CACNA1G: variants seen among roughly 807,000 people sequenced by gnomAD.
CACNA1G encodes voltage-dependent T-type calcium channel subunit alpha-1G.
In CACNA1G, 67 loss-of-function variants were observed where a neutral mutation model predicts 219.4. The ratio of observed to expected loss-of-function variants is 0.31; its 90% CI spans 0.25 to 0.37. The LOEUF (loss-of-function observed/expected upper bound fraction) is 0.37. Ranked by LOEUF, CACNA1G falls within the 10% of genes least tolerant of loss-of-function variation. The pLI, the probability that CACNA1G is intolerant of heterozygous loss-of-function variation, is 1.00. For synonymous variants in CACNA1G, 1,296 were observed against 1,345.3 expected, an observed-to-expected ratio of 0.96 and a Z score of 0.80; for missense variants, 2,380 against 3,231.4, an observed-to-expected ratio of 0.74 and a Z score of 6.39.
At chr17:50,622,177 C>T (rs2052310915) in intron 35 of CACNA1G, among the ~76,000 whole-genome samples, 1 of 138,994 alleles carries the variant, frequency 7.2e-6, no homozygotes, top group Non-Finnish European at 1.6e-5. Context: ...CCCCTCCTCC[C>T]CACCCCACCC....
Position 50,619,810 on chromosome 17 carries a change from G to A in CACNA1G, c.5909G>A (p.Gly1970Glu), listed in dbSNP as rs1275297681. 6.2e-7 allele frequency: 1 copy of A among 1,605,704 alleles called. No homozygotes were observed. Among genetic ancestry groups the A allele is most frequent in the Non-Finnish European group, 8.5e-7 (1 of 1,178,202 alleles). Reference sequence around the variant, plus strand: ...GCCTTCCCTTCTGCCCCCAGCCTGGGAGGCTCCGACCCACAGGTTACTGTG... The same window carrying A: ...GCCTTCCCTTCTGCCCCCAGCCTGGAAGGCTCCGACCCACAGGTTACTGTG... ...PSAFPSAPSL[G>E]GSDPQIPLAE... is the part of the protein sequence containing the mutation. Residue 1970 changes from glycine (G) to glutamate (E), a missense_variant, in exon 34 of 38, where the codon GGA becomes GAA. Transcript: ENST00000359106.
At chr17:50,616,416 G>T (rs759190008) in intron 28 of CACNA1G, 32 bp downstream of exon 28, 2 of 1,287,756 alleles carry the variant, frequency 1.6e-6, no homozygotes, top group Non-Finnish European at 2.3e-6. Context: ...TTGGGGACTT[G>T]CGTAGAGATA....
intron 9 of CACNA1G, among the ~76,000 whole-genome samples, chr17:50,584,803 G>T (rs1320607870): frequency 6.6e-6 from 1 of 152,038 alleles, no homozygotes; most frequent in Non-Finnish European, 1.5e-5. Flanking sequence ...GGGCTGCAGA[G>T]TCCAGAAGGA....
rs778179845 is a variant in CACNA1G at position 50,624,396 on chromosome 17, C to T, written c.6266C>T (p.Thr2089Ile). ...VLSVHSQPAD[T>I]SYILQLPKDA... ...TCCGTTCACTCCCAGCCAGCAGATA[C>T]CAGCTACATCCTGCAGCTTCCCAAA... The change falls in exon 37 of 38, where the codon ACC (threonine) becomes ATC (isoleucine). Residue 2089 changes from threonine (T) to isoleucine (I), a missense_variant. This residue lies in a region of CACNA1G where 672 missense variants were observed against 670.5 expected (regional missense o/e 1.00). Transcript: ENST00000359106. 1.4e-6 allele frequency: 2 copies of T among 1,387,326 alleles called. No homozygotes were observed. The highest frequency in any genetic ancestry group is 1.9e-6 in the Non-Finnish European group (2 of 1,039,432). The allele number at this position is 1,387,326 out of a possible 1,614,324, so 85.9% of individuals were successfully genotyped here.
In CACNA1G at chr17:50,563,500, G is replaced by A. The variant is rs1401724937; in HGVS notation, c.242+1799G>A. On this transcript the variant is annotated intron_variant, in intron 1 of 37. Transcript: ENST00000359106. ...CAACCTCTATGTCCTCCTTCTCAAG[G>A]GTCCCAGGGGAGGTAGAGAGAGCTC... Among the ~76,000 whole-genome samples the A allele has an allele frequency of 2.0e-5, 3 of 152,174 alleles. No individual in the cohort carries two copies. In the South Asian group the frequency reaches 6.2e-4, roughly 31 times the overall value.
At chr17:50,615,623 C>G in intron 27 of CACNA1G, 111 bp downstream of exon 27, 2 of 1,191,970 alleles carry the variant, frequency 1.7e-6, no homozygotes, top group East Asian at 5.1e-5. Context: ...AAGTGCTAGG[C>G]ACACTACATG....
In CACNA1G at chr17:50,572,558, C is replaced by G; in HGVS notation, c.751C>G (p.Leu251Val). Reference sequence around the variant, plus strand: ...GTTCCCCTTCCCATCCTGCAGCCCCCTGAGCGTGGACCTGGAGCGCTATTA... The same window carrying G: ...GTTCCCCTTCCCATCCTGCAGCCCCGTGAGCGTGGACCTGGAGCGCTATTA... ...CFLPENFSLP[L>V]SVDLERYYQT... Residue 251 changes from leucine to valine, a missense_variant, in exon 6 of 38, where the codon CTG becomes GTG. Transcript: ENST00000359106. The G allele has an allele frequency of 6.5e-7, 1 of 1,538,838 alleles. No individual in the cohort carries two copies. The highest frequency in any genetic ancestry group is 2.4e-5 in the East Asian group (1 of 42,114).
chr17:50,566,921 C>G (rs2038041069), intron 1 of CACNA1G, among the ~76,000 whole-genome samples: 1 of 152,208 alleles, frequency 6.6e-6, no homozygotes, highest in African/African-American at 2.4e-5. Flanking sequence ...CCTGGGAGCC[C>G]CTCTTCCTCA....
At chr17:50,609,652 C>T (rs571583371) in intron 25 of CACNA1G, among the ~76,000 whole-genome samples, 4 of 152,298 alleles carry the variant, frequency 2.6e-5, no homozygotes, top group African/African-American at 4.8e-5. Flanking sequence ...CTGCCCCTCC[C>T]GGTGCCTCCC....
In CACNA1G at chr17:50,601,083, A is replaced by G. The variant is rs2046535680; in HGVS notation, c.3824A>G (p.His1275Arg). The G allele has an allele frequency of 6.2e-7, 1 of 1,613,726 alleles. No individual in the cohort carries two copies. The highest frequency in any genetic ancestry group is 8.5e-7 in the Non-Finnish European group (1 of 1,179,832). The change falls in exon 19 of 38, where the codon CAC becomes CGC. Residue 1275 changes from histidine to arginine, a missense_variant. His to Arg is a conservative substitution (Grantham distance 29). Coordinates refer to ENST00000359106, the MANE Select transcript of CACNA1G (RefSeq NM_018896.5). The part of the protein sequence containing the change: ...FRLLCHRIIT[H>R]KMFDHVVLVI... ...CTCCTGTGTCACCGGATCATCACCC[A>G]CAAGATGTTCGACCACGTGGTCCTT...
At position 50,576,063 on chromosome 17, in the gene CACNA1G, A is replaced by G. The variant is rs1395923065; in HGVS notation, c.1661A>G (p.His554Arg). ...CCCCCTGGTGGCGCAGAGTCTGTGC[A>G]CAGCTTCTACCATGCCGACTGCCAC... ...GAPPGGAESV[H>R]SFYHADCHLE... The change falls in exon 8 of 38, where the codon CAC (histidine) becomes CGC (arginine). Residue 554 changes from histidine to arginine, a missense_variant. His to Arg is a conservative substitution (Grantham distance 29, BLOSUM62 0). This residue lies in a region of CACNA1G where 434 missense variants were observed against 417.3 expected (regional missense o/e 1.04). Coordinates refer to ENST00000359106, the MANE Select transcript of CACNA1G (RefSeq NM_018896.5). 2.5e-6 allele frequency: 4 copies of G among 1,583,526 alleles called. No individual in the cohort carries two copies. Among genetic ancestry groups the G allele is most frequent in the Non-Finnish European group, 3.4e-6 (4 of 1,166,192 alleles).
chr17:50,590,370 G>A, intron 9 of CACNA1G, 101 bp from the exon 10 acceptor site: 1 of 1,324,504 alleles, frequency 7.5e-7, no homozygotes, highest in Admixed American at 1.7e-5. Flanking sequence ...GCACAAGCTT[G>A]CTATTCCTGC....
intron 10 of CACNA1G, among the ~76,000 whole-genome samples, chr17:50,591,060 G>A (rs891764066): frequency 6.6e-6 from 1 of 152,180 alleles, no homozygotes; most frequent in Non-Finnish European, 1.5e-5. Flanking sequence ...TTGGGAAAGT[G>A]CTCCGTCCCC....
At chr17:50,564,677 G>A (rs1413054110) in intron 1 of CACNA1G, among the ~76,000 whole-genome samples, 1 of 152,124 alleles carries the variant, frequency 6.6e-6, no homozygotes, top group Non-Finnish European at 1.5e-5. Context: ...AATGCCCCAA[G>A]TCTGCCTATT....
At chr17:50,563,469 A>C (rs2036657537) in intron 1 of CACNA1G, among the ~76,000 whole-genome samples, 1 of 152,150 alleles carries the variant, frequency 6.6e-6, no homozygotes, top group Admixed American at 6.5e-5. Context: ...GAATGGGAAA[A>C]AGCATCAACC....
intron 34 of CACNA1G, 45 bp downstream of exon 34, chr17:50,619,871 G>T: frequency 6.6e-7 from 1 of 1,506,762 alleles, no homozygotes; most frequent in Non-Finnish European, 8.9e-7. Context: ...ACCGTGCTGG[G>T]CTGTGCCACG....
chr17:50,569,721 G>C lies in CACNA1G; in HGVS notation c.504G>C (p.Ser168=). The C allele has an allele frequency of 1.1e-5, 17 of 1,550,400 alleles. No homozygotes were observed. Among genetic ancestry groups the C allele is most frequent in the Non-Finnish European group, 1.5e-5 (17 of 1,146,790 alleles). ...FIVIAGMLEY[S]LDLQNVSFSA... is the part of the protein sequence containing the mutation. ...CTCCCTGCAGGATGCTGGAGTACTC[G>C]CTGGACCTGCAGAACGTCAGCTTCT... Residue 168 remains serine, a synonymous_variant, in exon 4 of 38, where the codon TCG becomes TCC. Transcript: ENST00000359106.
chr17:50,582,730 G>T (rs1184545377), intron 9 of CACNA1G, among the ~76,000 whole-genome samples: 1 of 152,038 alleles, frequency 6.6e-6, no homozygotes, highest in Non-Finnish European at 1.5e-5. Flanking sequence ...GGGGACAGGT[G>T]CTAGTCTAAT....
chr17:50,590,491 C>T lies in CACNA1G; in HGVS notation c.2322C>T (p.Ala774=). 3 of 1,613,912 alleles carry T rather than the reference C, an allele frequency of 1.9e-6. No homozygotes were observed. Among genetic ancestry groups the T allele is most frequent in the Non-Finnish European group, 2.5e-6 (3 of 1,179,862 alleles). The change falls in exon 10 of 38, where the codon GCC becomes GCT. Residue 774 remains alanine, a synonymous_variant. Coordinates refer to ENST00000359106, the MANE Select transcript of CACNA1G (RefSeq NM_018896.5). ...YHEQPEELTN[A]LEISNIVFTS... ...TGCAGCCCGAGGAGCTTACCAACGCCCTAGAAATCAGCAACATCGTCTTCA... is the reference window on the plus strand; with the variant it reads ...TGCAGCCCGAGGAGCTTACCAACGCTCTAGAAATCAGCAACATCGTCTTCA...
Sources: allele counts gnomAD v4.1 joint callset (sites outside exome capture counted in the v4.1 genomes callset), GRCh38; gene constraint gnomAD v4.1.1; regional missense constraint gnomAD v4.1.1; transcripts MANE v1.5; gene names NCBI Gene and HGNC (gene_info 2026-07-23, HGNC 2026-07-21).